Variants in SGCZ observed in about 807,000 individuals in gnomAD.
SGCZ encodes the protein zeta-sarcoglycan.
SGCZ carries 40 observed loss-of-function variants against 41.3 expected under a neutral mutation model. That is an observed-to-expected ratio of 0.97 (90% CI 0.75 to 1.26). The LOEUF (loss-of-function observed/expected upper bound fraction) is 1.26, where lower values mean the gene tolerates loss of function less well. Ranked by LOEUF, SGCZ falls within the 50% of genes most tolerant of loss-of-function variation. The pLI is 0.00. For missense variants in SGCZ, 552 were observed against 369.8 expected (o/e 1.49, Z -4.04); for synonymous variants, 206 against 137.5 (o/e 1.50, Z -3.49).
chr8:14,513,909 C>G (rs575283730), intron 2 of SGCZ, among the ~76,000 whole-genome samples: 1 of 151,984 alleles, frequency 6.6e-6, no homozygotes, highest in African/African-American at 2.4e-5. Context: ...AACAACATTG[C>G]TTATTTCTTT....
intron 2 of SGCZ, among the ~76,000 whole-genome samples, chr8:14,520,795 T>A (rs966111982): frequency 2.6e-5 from 4 of 152,134 alleles, no homozygotes; most frequent in African/African-American, 9.7e-5. Context: ...CTTTGAACAT[T>A]ATCATTTATT....
At chr8:14,315,248 T>C (rs77153027) in intron 3 of SGCZ, among the ~76,000 whole-genome samples, 40,838 of 152,066 alleles carry the variant, frequency 0.27, 6,267 homozygotes, top group South Asian at 0.48. Flanking sequence ...TGTTGTGAAA[T>C]CAAATTCAAA....
At chr8:14,925,969 A>G (rs1799735044) in intron 1 of SGCZ, among the ~76,000 whole-genome samples, 1 of 152,214 alleles carries the variant, frequency 6.6e-6, no homozygotes, top group Non-Finnish European at 1.5e-5. Context: ...TTGAATAGCA[A>G]CAGTATGATT....
chr8:14,482,462 T>C (rs1272335430), intron 2 of SGCZ, among the ~76,000 whole-genome samples: 2 of 152,184 alleles, frequency 1.3e-5, no homozygotes, highest in African/African-American at 4.8e-5. Context: ...TAATCTCCCT[T>C]ACCGCTCTCA....
chr8:14,679,186 C>G (rs1435072595), intron 1 of SGCZ, among the ~76,000 whole-genome samples: 1 of 152,064 alleles, frequency 6.6e-6, no homozygotes, highest in Admixed American at 6.6e-5. Context: ...ATACATAATA[C>G]TTGATAATGA....
At chr8:14,272,297 C>A (rs1315547440) in intron 3 of SGCZ, among the ~76,000 whole-genome samples, 1 of 152,200 alleles carries the variant, frequency 6.6e-6, no homozygotes, top group Non-Finnish European at 1.5e-5. Flanking sequence ...AGCCACTGCA[C>A]CCGACCCTTA....
intron 1 of SGCZ, among the ~76,000 whole-genome samples, chr8:14,566,689 G>C (rs1016103705): frequency 6.6e-6 from 1 of 152,208 alleles, no homozygotes; most frequent in Non-Finnish European, 1.5e-5. Flanking sequence ...GCTCGCTCTC[G>C]GCACCTCCTC....
chr8:14,541,638 T>C (rs1803472207), intron 2 of SGCZ, among the ~76,000 whole-genome samples: 1 of 152,132 alleles, frequency 6.6e-6, no homozygotes, highest in African/African-American at 2.4e-5. Flanking sequence ...ATCCTTTGGG[T>C]ATATGCCCAA....
At chr8:14,347,994 G>A (rs1802950332) in intron 2 of SGCZ, among the ~76,000 whole-genome samples, 1 of 151,942 alleles carries the variant, frequency 6.6e-6, no homozygotes, top group Non-Finnish European at 1.5e-5. Context: ...ACATTCCCTT[G>A]CATCATGCAC....
At chr8:14,147,464 A>C (rs7823636) in intron 5 of SGCZ, among the ~76,000 whole-genome samples, 58,451 of 152,014 alleles carry the variant, frequency 0.38, 11,508 homozygotes, top group Middle Eastern at 0.51. Flanking sequence ...ATAAGAAGCT[A>C]CAAAGAAGGT....
intron 1 of SGCZ, among the ~76,000 whole-genome samples, chr8:14,608,769 G>T (rs1044958282): frequency 1.3e-5 from 2 of 151,966 alleles, no homozygotes; most frequent in African/African-American, 4.8e-5. Flanking sequence ...CAACACTGGA[G>T]ATCACATTTC....
intron 1 of SGCZ, among the ~76,000 whole-genome samples, chr8:14,903,146 T>C (rs1799022632): frequency 6.6e-6 from 1 of 152,108 alleles, no homozygotes. Flanking sequence ...TAAAGTACTA[T>C]ATCATCTGCC....
intron 1 of SGCZ, among the ~76,000 whole-genome samples, chr8:14,873,584 A>G (rs1804243706): frequency 6.6e-6 from 1 of 152,194 alleles, no homozygotes; most frequent in Non-Finnish European, 1.5e-5. Flanking sequence ...TCAGAGGTAA[A>G]GCACTGTTCA....
chr8:15,139,609 C>T (rs1003266976), intron 1 of SGCZ, among the ~76,000 whole-genome samples: 6 of 152,150 alleles, frequency 3.9e-5, no homozygotes, highest in African/African-American at 1.4e-4. Context: ...CCATTTCACA[C>T]TTCTTTTTGT....
intron 1 of SGCZ, among the ~76,000 whole-genome samples, chr8:15,056,702 G>T (rs1433305458): frequency 1.3e-5 from 2 of 152,090 alleles, no homozygotes; most frequent in Non-Finnish European, 2.9e-5. Context: ...TTGCACAAAT[G>T]GTTGTATATG....
intron 1 of SGCZ, among the ~76,000 whole-genome samples, chr8:14,595,752 T>G (rs1805391771): frequency 6.6e-6 from 1 of 152,196 alleles, no homozygotes; most frequent in African/African-American, 2.4e-5. Context: ...CAACAAATTC[T>G]TTCCATAATA....
At chr8:14,880,776 G>C (rs553086077) in intron 1 of SGCZ, among the ~76,000 whole-genome samples, 1 of 152,148 alleles carries the variant, frequency 6.6e-6, no homozygotes, top group Admixed American at 6.5e-5. Context: ...ACACAGGAAG[G>C]GGAACACCAG....
chr8:14,681,327 T>A lies in SGCZ; in HGVS notation c.40-126401A>T, dbSNP rs142838563. 4.1e-3 allele frequency among the ~76,000 whole-genome samples: 624 copies of A among 152,286 alleles called. 9 individuals are homozygous for A. Among genetic ancestry groups the A allele is most frequent in the African/African-American group, 0.013 (556 of 41,568 alleles). On this transcript the variant is annotated intron_variant, in intron 1 of 7. Transcript: ENST00000382080. The stretch of plus-strand genomic sequence containing the variant: ...CAAGCCACAAGACAATGAAGTGCCA[T>A]ATCTAATGTATTAAAGGGGGAAAAA...
At chr8:14,190,971 C>G (rs2117046684) in intron 4 of SGCZ, among the ~76,000 whole-genome samples, 1 of 152,280 alleles carries the variant, frequency 6.6e-6, no homozygotes, top group East Asian at 1.9e-4. Context: ...CAAAAGTGTA[C>G]AAGGATTCCC....
Sources: allele counts gnomAD v4.1 joint callset (sites outside exome capture counted in the v4.1 genomes callset), GRCh38; gene constraint gnomAD v4.1.1; transcripts MANE v1.5; gene names NCBI Gene and HGNC (gene_info 2026-07-23, HGNC 2026-07-21).